The following MAML3 variants were observed in gnomAD, a reference collection of about 807,000 sequenced individuals.
MAML3 encodes mastermind-like protein 3.
MAML3 carries 27 observed loss-of-function variants against 101.9 expected under a neutral mutation model. The ratio of observed to expected loss-of-function variants is 0.27; its 90% confidence interval spans 0.20 to 0.37. The LOEUF (loss-of-function observed/expected upper bound fraction) is 0.37. MAML3 is among the 10% of genes least tolerant of loss of function. The pLI, the probability that MAML3 is intolerant of heterozygous loss-of-function variation, is 1.00. For synonymous variants in MAML3, 501 were observed against 555.9 expected, an observed-to-expected ratio of 0.90 and a Z score of 1.39; for missense variants, 1,316 against 1,444.9, an observed-to-expected ratio of 0.91 and a Z score of 1.45.
intron 2 of MAML3, among the ~76,000 whole-genome samples, chr4:139,781,698 C>T (rs1325287696): frequency 1.3e-5 from 2 of 152,088 alleles, no homozygotes; most frequent in African/African-American, 2.4e-5. Context: ...TGTGGTTTTA[C>T]TTTTAGGGCA....
chr4:139,743,745 T>C (rs1272483094), intron 2 of MAML3, among the ~76,000 whole-genome samples: 3 of 152,210 alleles, frequency 2.0e-5, no homozygotes, highest in African/African-American at 4.8e-5. Context: ...TTACTTTCTA[T>C]AGAAAGCCTT....
chr4:139,815,128 G>T (rs541920922), intron 2 of MAML3, among the ~76,000 whole-genome samples: 2 of 152,324 alleles, frequency 1.3e-5, no homozygotes, highest in African/African-American at 4.8e-5. Flanking sequence ...AGACTAGGAA[G>T]CTAGAAAGCC....
At chr4:139,957,133 C>G (rs1203452794) in intron 1 of MAML3, among the ~76,000 whole-genome samples, 2 of 152,160 alleles carry the variant, frequency 1.3e-5, no homozygotes, top group African/African-American at 4.8e-5. Context: ...CTTAACCACT[C>G]CATTTCTAAG....
chr4:139,920,845 G>C (rs1432920795), intron 1 of MAML3, among the ~76,000 whole-genome samples: 1 of 152,176 alleles, frequency 6.6e-6, no homozygotes, highest in Non-Finnish European at 1.5e-5. Flanking sequence ...CTGGGGCCAG[G>C]GCTGCACACA....
intron 1 of MAML3, among the ~76,000 whole-genome samples, chr4:140,016,272 GA>G (rs1427461943): frequency 6.6e-6 from 1 of 152,008 alleles, no homozygotes; most frequent in Admixed American, 6.6e-5. Context: ...AAATTCTGAT[GA>G]AAAAAACCAA....
chr4:139,829,525 G>A (rs1026617584), intron 2 of MAML3, among the ~76,000 whole-genome samples: 10 of 152,212 alleles, frequency 6.6e-5, no homozygotes, highest in African/African-American at 2.4e-4. Flanking sequence ...CAAGGGGTCT[G>A]GATTCCACTG....
At chr4:139,804,953 C>G (rs1187703083) in intron 2 of MAML3, among the ~76,000 whole-genome samples, 3 of 152,056 alleles carry the variant, frequency 2.0e-5, no homozygotes, top group African/African-American at 7.2e-5. Context: ...CTGAGACAAG[C>G]AGATCACCTG....
chr4:139,952,640 C>G (rs956953149), intron 1 of MAML3, among the ~76,000 whole-genome samples: 6 of 152,150 alleles, frequency 3.9e-5, no homozygotes, highest in Non-Finnish European at 8.8e-5. Flanking sequence ...ATGTCTGCAC[C>G]CTTTCAGCTG....
chr4:139,891,427 G>A (rs755617975), intron 1 of MAML3, among the ~76,000 whole-genome samples: 13 of 152,058 alleles, frequency 8.5e-5, no homozygotes, highest in Non-Finnish European at 1.9e-4. Flanking sequence ...ACAGGCACGC[G>A]TCACCATGCC....
At chr4:139,904,956 AACC>A (rs1732793447) in intron 1 of MAML3, among the ~76,000 whole-genome samples, 1 of 152,256 alleles carries the variant, frequency 6.6e-6, no homozygotes, top group Non-Finnish European at 1.5e-5. Flanking sequence ...AATCTTGTGG[AACC>A]ACCATCATAT....
chr4:140,013,590 C>A (rs182560676), intron 1 of MAML3, among the ~76,000 whole-genome samples: 1 of 152,244 alleles, frequency 6.6e-6, no homozygotes, highest in East Asian at 1.9e-4. Flanking sequence ...TCCATGTATT[C>A]TTCAAAATAA....
intron 2 of MAML3, among the ~76,000 whole-genome samples, chr4:139,798,074 AAGAAAG>A (rs1001990603): frequency 5.6e-5 from 8 of 142,050 alleles, no homozygotes; most frequent in African/African-American, 2.3e-4. Flanking sequence ...GAAAGAAAGA[AAGAAAG>A]AAAGAAAGAA....
chr4:140,091,786 G>A (rs1221744754), intron 1 of MAML3, among the ~76,000 whole-genome samples: 1 of 151,966 alleles, frequency 6.6e-6, no homozygotes, highest in East Asian at 1.9e-4. Flanking sequence ...CCCAGAACAG[G>A]GTTCAAATGG....
At chr4:139,797,670 TATG>T (rs533055458) in intron 2 of MAML3, among the ~76,000 whole-genome samples, 177 of 152,154 alleles carry the variant, frequency 1.2e-3, no homozygotes, top group African/African-American at 4.0e-3. Flanking sequence ...GGTAAATTGA[TATG>T]ATGTTTGGTT....
chr4:139,993,209 A>G (rs1734714148), intron 1 of MAML3, among the ~76,000 whole-genome samples: 1 of 151,724 alleles, frequency 6.6e-6, no homozygotes, highest in Non-Finnish European at 1.5e-5. Context: ...AAAATTAACC[A>G]GGCATGGTGG....
intron 2 of MAML3, among the ~76,000 whole-genome samples, chr4:139,737,197 G>C (rs1319726530): frequency 1.3e-5 from 2 of 152,116 alleles, no homozygotes; most frequent in Non-Finnish European, 2.9e-5. Flanking sequence ...TTTGAGGAAA[G>C]TTCCCTCTGA....
intron 1 of MAML3, among the ~76,000 whole-genome samples, chr4:139,948,085 A>T (rs1166494747): frequency 4.8e-5 from 7 of 146,870 alleles, no homozygotes; most frequent in African/African-American, 1.8e-4. Context: ...GGGCAACAAG[A>T]GCGAGACTCC....
At chr4:139,839,132 A>T (rs2111142880) in intron 2 of MAML3, among the ~76,000 whole-genome samples, 1 of 152,310 alleles carries the variant, frequency 6.6e-6, no homozygotes, top group Non-Finnish European at 1.5e-5. Flanking sequence ...ACCACTTGCC[A>T]TCAAGAACGC....
At chr4:139,858,517 C>T (rs1208800794) in intron 2 of MAML3, among the ~76,000 whole-genome samples, 1 of 148,132 alleles carries the variant, frequency 6.8e-6, no homozygotes, top group African/African-American at 2.5e-5. Context: ...CTATGAGACT[C>T]CACTTAAAAA....
Sources: allele counts gnomAD v4.1 joint callset (sites outside exome capture counted in the v4.1 genomes callset), GRCh38; gene constraint gnomAD v4.1.1; transcripts MANE v1.5; gene names NCBI Gene and HGNC (gene_info 2026-07-23, HGNC 2026-07-21).